The following PCDHA1 variants were observed in gnomAD, a reference collection of about 807,000 sequenced individuals.
PCDHA1 encodes the protein protocadherin alpha 1, also known as protocadherin alpha-1.
A neutral mutation model predicts 61.3 loss-of-function variants in PCDHA1; 42 were observed. The observed-to-expected ratio is 0.69, with a 90% confidence interval of 0.54 to 0.89. The LOEUF (loss-of-function observed/expected upper bound fraction) is 0.89. PCDHA1 is among the 40% of genes least tolerant of loss of function. PCDHA1 has a pLI of 0.00. For missense variants in PCDHA1, 1,256 were observed against 1,235.3 expected (o/e 1.02, Z -0.25); for synonymous variants, 610 against 553.8 (o/e 1.10, Z -1.43).
intron 3 of PCDHA1, among the ~76,000 whole-genome samples, chr5:140,989,753 A>G (rs1349273749): frequency 6.6e-6 from 1 of 152,224 alleles, no homozygotes; most frequent in Admixed American, 6.5e-5. Context: ...ATCTGGAGAA[A>G]CATATTCAGT....
intron 3 of PCDHA1, among the ~76,000 whole-genome samples, chr5:140,983,123 G>A (rs781811003): frequency 2.0e-5 from 3 of 152,198 alleles, no homozygotes; most frequent in Non-Finnish European, 4.4e-5. Flanking sequence ...ACAACATTCT[G>A]CAGACTGACT....
At chr5:140,842,603 C>CG in intron 1 of PCDHA1, 2 of 1,548,222 alleles carry the variant, frequency 1.3e-6, no homozygotes, top group Non-Finnish European at 1.8e-6. Flanking sequence ...GGTAACCGCG[C>CG]GGGACGGGGG....
intron 1 of PCDHA1, chr5:140,882,142 G>T: frequency 1.3e-6 from 2 of 1,488,266 alleles, no homozygotes; most frequent in Non-Finnish European, 1.8e-6. Flanking sequence ...AGAAAATATA[G>T]CAGAAAGCGG....
In PCDHA1 at chr5:140,862,537, C is replaced by A. The variant is rs56017024; in HGVS notation, c.2394+73853C>A. The A allele has an allele frequency of 9.8e-3, 4,308 of 440,540 alleles. 34 individuals carry two copies. The highest frequency in any genetic ancestry group is 0.014 in the Non-Finnish European group (3,070 of 217,342). The allele number at this position is 440,540 out of a possible 1,614,324, so 27.3% of individuals were successfully genotyped here. A position where few individuals can be genotyped will look rare whatever the true frequency, so the allele number is the denominator to read the frequency against. On this transcript the variant is annotated intron_variant, in intron 1 of 3. Transcript: ENST00000504120. The stretch of plus-strand genomic sequence containing the variant: ...CATTGTTGGCCACAGCCATCGGGTC[C>A]GTGGAAGTGGCCGAACAGTGAACCA...
At chr5:140,856,541 G>GCATT in intron 1 of PCDHA1, 4 of 1,598,164 alleles carry the variant, frequency 2.5e-6, no homozygotes, top group Non-Finnish European at 3.4e-6. Flanking sequence ...TGGAGAGAAC[G>GCATT]CATTGCTTAC....
At chr5:140,929,205 G>T in intron 1 of PCDHA1, 1 of 1,614,120 alleles carries the variant, frequency 6.2e-7, no homozygotes, top group Non-Finnish European at 8.5e-7. Flanking sequence ...GTTTGCTGTT[G>T]CGTGGGGAGT....
At chr5:140,895,671 T>C (rs1014778982) in intron 1 of PCDHA1, among the ~76,000 whole-genome samples, 5 of 152,184 alleles carry the variant, frequency 3.3e-5, no homozygotes, top group African/African-American at 4.8e-5. Context: ...GAACATGTAG[T>C]ATTTGGTTTT....
intron 1 of PCDHA1, among the ~76,000 whole-genome samples, chr5:140,945,813 C>G (rs10477097): frequency 1.1e-4 from 16 of 152,202 alleles, no homozygotes; most frequent in African/African-American, 3.6e-4. Context: ...TTATCTCACA[C>G]TGTATACAAA....
At chr5:140,926,611 A>G in intron 1 of PCDHA1, 1 of 348,974 alleles carries the variant, frequency 2.9e-6, no homozygotes, top group Non-Finnish European at 5.1e-6. Context: ...TCGTCTCTGC[A>G]CCCCTAGGCG....
intron 1 of PCDHA1, among the ~76,000 whole-genome samples, chr5:140,888,814 T>C (rs1052564071): frequency 6.6e-6 from 1 of 152,126 alleles, no homozygotes; most frequent in Non-Finnish European, 1.5e-5. Context: ...TGATCTGTGA[T>C]CTGTGATCAC....
chr5:140,823,584 C>G, intron 1 of PCDHA1: 1 of 1,613,980 alleles, frequency 6.2e-7, no homozygotes, highest in Non-Finnish European at 8.5e-7. Flanking sequence ...CGGGCTACAA[C>G]GCTTGGCTTT....
chr5:140,871,710 C>T (rs1306052156), intron 1 of PCDHA1: 4 of 826,486 alleles, frequency 4.8e-6, no homozygotes, highest in East Asian at 2.8e-5. Flanking sequence ...AATAAATGTC[C>T]TATTTCTCTT....
chr5:140,920,456 T>C (rs2079640226), intron 1 of PCDHA1, among the ~76,000 whole-genome samples: 1 of 152,192 alleles, frequency 6.6e-6, no homozygotes, highest in African/African-American at 2.4e-5. Flanking sequence ...AATTGACAAA[T>C]TTGTTATATT....
intron 1 of PCDHA1, among the ~76,000 whole-genome samples, chr5:140,962,075 C>T (rs999623991): frequency 6.6e-6 from 1 of 151,836 alleles, no homozygotes; most frequent in South Asian, 2.1e-4. Context: ...TTAGTAGAGA[C>T]GGGGTTTCAC....
chr5:140,796,815 C>A (rs1554120120), intron 1 of PCDHA1: 3 of 1,614,134 alleles, frequency 1.9e-6, no homozygotes, highest in East Asian at 2.2e-5. Context: ...GTACTGGCAG[C>A]GCTCGCATCC....
chr5:140,947,763 AAT>A (rs1396909113), intron 1 of PCDHA1, among the ~76,000 whole-genome samples: 1 of 151,658 alleles, frequency 6.6e-6, no homozygotes, highest in Non-Finnish European at 1.5e-5. Flanking sequence ...TGGTTTAAAA[AAT>A]TCTATTGTAA....
intron 1 of PCDHA1, chr5:140,834,408 C>A (rs1422955156): frequency 1.9e-6 from 3 of 1,609,996 alleles, no homozygotes; most frequent in Non-Finnish European, 2.5e-6. Context: ...TGGATACGAC[C>A]CAGGGGGCCG....
rs1554135944 is a variant in PCDHA1 at position 140,836,422 on chromosome 5, C to G, written c.2394+47738C>G. The G allele has an allele frequency of 1.2e-6, 2 of 1,613,670 alleles. No individual in the cohort carries two copies. The highest frequency in any genetic ancestry group is 2.7e-5 in the African/African-American group (2 of 74,856). On this transcript the variant is annotated intron_variant, in intron 1 of 3. Transcript: ENST00000504120. ...AGCGGCCAGGCACCAAAGGCGTCGT[C>G]GCGGGCATCGTTGGGCATTGCAGGC...
chr5:140,876,919 GA>G, intron 1 of PCDHA1: 2 of 1,613,952 alleles, frequency 1.2e-6, no homozygotes, highest in Non-Finnish European at 1.7e-6. Context: ...ATGGGACGCG[GA>G]CGCGCAGAAG....
Sources: allele counts gnomAD v4.1 joint callset (sites outside exome capture counted in the v4.1 genomes callset), GRCh38; gene constraint gnomAD v4.1.1; transcripts MANE v1.5; gene names NCBI Gene and HGNC (gene_info 2026-07-23, HGNC 2026-07-21).